Variants in TTC29 observed in about 807,000 individuals in gnomAD.
TTC29 encodes tetratricopeptide repeat protein 29.
TTC29 carries 49 observed loss-of-function variants against 58.1 expected under a neutral mutation model. The observed-to-expected ratio is 0.84, with a 90% CI of 0.67 to 1.07. The LOEUF is 1.07. Ranked by LOEUF, TTC29 falls within the 50% of genes least tolerant of loss-of-function variation. The pLI is 0.00. For missense variants in TTC29, 582 were observed against 555.6 expected (o/e 1.05, Z -0.48); for synonymous variants, 209 against 196.8 (o/e 1.06, Z -0.52).
chr4:146,757,008 T>C (rs1023424695), intron 11 of TTC29, among the ~76,000 whole-genome samples: 1 of 152,210 alleles, frequency 6.6e-6, no homozygotes, highest in African/African-American at 2.4e-5. Context: ...GCCTAATAAC[T>C]AACCTCCTGA....
intron 6 of TTC29, among the ~76,000 whole-genome samples, chr4:146,892,786 C>T (rs957110690): frequency 1.1e-4 from 16 of 152,134 alleles, no homozygotes; most frequent in African/African-American, 3.6e-4. Context: ...TAGAAAACCC[C>T]ATTGTCTCAG....
rs145295526 is a variant in TTC29, at chr4:146,755,883, G to C, written c.1330+47574C>G. ...ATTTTTGGAAGCTGCAACCCCAAAA[G>C]ACTTTTGATCTTAAACATGTATCTC... On this transcript the variant is annotated intron_variant, in intron 11 of 12. Transcript: ENST00000325106. Among the ~76,000 whole-genome samples the C allele has an allele frequency of 4.7e-3, 709 of 152,090 alleles. 9 individuals are homozygous for C. Among genetic ancestry groups the C allele is most frequent in the African/African-American group, 0.017 (696 of 41,478 alleles).
At position 146,903,545 on chromosome 4, in the gene TTC29, A is replaced by C; in HGVS notation, c.585T>G (p.Asp195Glu). The C allele has an allele frequency of 6.3e-7, 1 of 1,598,886 alleles. No homozygotes were observed. The highest frequency in any genetic ancestry group is 8.5e-7 in the Non-Finnish European group (1 of 1,172,414). ...HMHMGLLYEE[D>E]GQLLEAAEHY... ...GCATCCTGGCAAATGCCCACTCACC[A>C]TCTTCCTCGTAGAGAAGACCCATAT... The change falls in exon 6 of 13, where the codon GAT becomes GAG. Residue 195 changes from aspartate to glutamate, a missense_variant and splice_region_variant. By Grantham distance (45) the Asp-to-Glu change is conservative (BLOSUM62 2). Transcript: ENST00000325106.
chr4:146,868,634 T>C (rs546847329), intron 7 of TTC29, among the ~76,000 whole-genome samples: 34 of 152,294 alleles, frequency 2.2e-4, no homozygotes, highest in Admixed American at 5.2e-4. Context: ...ACATACCTCA[T>C]ACCATTTGGC....
At chr4:146,916,748 T>C (rs567319335) in intron 4 of TTC29, among the ~76,000 whole-genome samples, 1 of 151,622 alleles carries the variant, frequency 6.6e-6, no homozygotes, top group Non-Finnish European at 1.5e-5. Flanking sequence ...CAGATATTAT[T>C]TTAATTGATA....
intron 6 of TTC29, among the ~76,000 whole-genome samples, chr4:146,884,520 G>A (rs1379074056): frequency 6.6e-6 from 1 of 152,030 alleles, no homozygotes; most frequent in Admixed American, 6.6e-5. Flanking sequence ...GTTGTTACTA[G>A]GAAGCCTGAA....
intron 6 of TTC29, among the ~76,000 whole-genome samples, chr4:146,875,933 G>A (rs1731226049): frequency 6.6e-6 from 1 of 152,110 alleles, no homozygotes. Flanking sequence ...TTGCCTCATG[G>A]GAATGCTCAC....
chr4:146,920,687 C>T (rs541861694), intron 4 of TTC29, among the ~76,000 whole-genome samples: 1 of 150,944 alleles, frequency 6.6e-6, no homozygotes, highest in African/African-American at 2.4e-5. Flanking sequence ...TAACTACACT[C>T]TCTTGAGCCC....
intron 8 of TTC29, among the ~76,000 whole-genome samples, chr4:146,856,481 T>C (rs536671431): frequency 4.3e-4 from 66 of 152,096 alleles, no homozygotes; most frequent in African/African-American, 1.5e-3. Context: ...AAACATTTCT[T>C]TATTTGTAGG....
At chr4:146,741,830 C>A (rs569076156) in intron 11 of TTC29, among the ~76,000 whole-genome samples, 1 of 152,176 alleles carries the variant, frequency 6.6e-6, no homozygotes, top group African/African-American at 2.4e-5. Context: ...AACTTGAAAG[C>A]ATTTCCATGG....
intron 11 of TTC29, among the ~76,000 whole-genome samples, chr4:146,730,985 A>AT (rs1158328390): frequency 2.0e-5 from 3 of 152,152 alleles, no homozygotes; most frequent in Admixed American, 6.6e-5. Context: ...AAACCATAGC[A>AT]TTTTTCTATG....
In TTC29 at chr4:146,942,352, A is replaced by G. The variant is rs114549469; in HGVS notation, c.-6-2451T>C. 4.0e-3 allele frequency among the ~76,000 whole-genome samples: 610 copies of G among 152,348 alleles called. 4 individuals carry two copies. Among genetic ancestry groups the G allele is most frequent in the African/African-American group, 0.012 (507 of 41,572 alleles). On this transcript the variant is annotated intron_variant, in intron 2 of 12. Coordinates refer to ENST00000325106, the MANE Select transcript of TTC29 (RefSeq NM_031956.4). ...AAATGTTAGTCCTCTCCTACAGACT[A>G]AACATTAGAAACATACTATATTACC...
intron 8 of TTC29, among the ~76,000 whole-genome samples, chr4:146,845,973 G>A (rs1052572168): frequency 6.6e-6 from 1 of 152,078 alleles, no homozygotes; most frequent in African/African-American, 2.4e-5. Flanking sequence ...TGTGCCTCTA[G>A]CTCCTCGTCT....
intron 8 of TTC29, among the ~76,000 whole-genome samples, chr4:146,838,926 A>G (rs17022004): frequency 0.065 from 9,889 of 152,062 alleles, 425 homozygotes; most frequent in Admixed American, 0.13. Flanking sequence ...TTAAATCACT[A>G]TGAGAACTAT....
intron 11 of TTC29, among the ~76,000 whole-genome samples, chr4:146,788,807 T>C (rs571225743): frequency 6.6e-5 from 10 of 152,060 alleles, no homozygotes; most frequent in African/African-American, 2.4e-4. Flanking sequence ...CGAAGGTAGG[T>C]TTCTTGGGGA....
intron 2 of TTC29, chr4:146,942,565 G>C: frequency 2.0e-6 from 3 of 1,516,670 alleles, no homozygotes; most frequent in Non-Finnish European, 2.6e-6. Context: ...CTCCCCAAAC[G>C]GGCCTCCCAA....
At chr4:146,819,769 G>A (rs1239618139) in intron 10 of TTC29, among the ~76,000 whole-genome samples, 3 of 152,188 alleles carry the variant, frequency 2.0e-5, no homozygotes, top group Non-Finnish European at 4.4e-5. Flanking sequence ...ATGAATGTCA[G>A]TGGAAGCAGA....
chr4:146,812,776 G>A (rs1175315627), intron 10 of TTC29: 1 of 152,114 alleles, frequency 6.6e-6, no homozygotes, highest in Non-Finnish European at 1.5e-5. Flanking sequence ...ATGAGATTTT[G>A]CTAATGTATA....
At chr4:146,936,666 T>C (rs1735847654) in intron 4 of TTC29, among the ~76,000 whole-genome samples, 1 of 152,132 alleles carries the variant, frequency 6.6e-6, no homozygotes, top group Non-Finnish European at 1.5e-5. Context: ...TGACTGTGTT[T>C]TTCCATGTTA....
Sources: allele counts gnomAD v4.1 joint callset (sites outside exome capture counted in the v4.1 genomes callset), GRCh38; gene constraint gnomAD v4.1.1; transcripts MANE v1.5; gene names NCBI Gene and HGNC (gene_info 2026-07-23, HGNC 2026-07-21).